Variants in UBE4A observed in about 807,000 individuals in gnomAD.
UBE4A encodes the protein ubiquitination factor E4A.
Under a neutral mutation model 117.9 loss-of-function variants are expected in UBE4A, and 48 were observed. The observed-to-expected ratio is 0.41, with a 90% CI of 0.32 to 0.52. UBE4A has a LOEUF of 0.52. UBE4A is among the 20% of genes least tolerant of loss of function. UBE4A has a pLI of 0.33. For missense variants in UBE4A, 1,067 were observed against 1,296.3 expected, an observed-to-expected ratio of 0.82 and a Z score of 2.72; for synonymous variants, 407 against 450.0, an observed-to-expected ratio of 0.90 and a Z score of 1.21.
At chr11:118,385,832 T>A (rs565991916) in intron 15 of UBE4A, among the ~76,000 whole-genome samples, 1 of 152,334 alleles carries the variant, frequency 6.6e-6, no homozygotes, top group East Asian at 1.9e-4. Context: ...ATAGGTTTTC[T>A]TCAAAAGCGA....
chr11:118,373,793 T>C, intron 8 of UBE4A, 108 bp downstream of exon 8: 1 of 1,315,936 alleles, frequency 7.6e-7, no homozygotes, highest in East Asian at 2.6e-5. Context: ...CAAATTGATC[T>C]AGTTGGCTTT....
chr11:118,390,258 G>A (rs1948799356), intron 17 of UBE4A, among the ~76,000 whole-genome samples: 1 of 151,600 alleles, frequency 6.6e-6, no homozygotes, highest in African/African-American at 2.4e-5. Context: ...TGTGCAAAGA[G>A]AAACTTTACT....
chr11:118,363,728 C>T (rs545932190), intron 1 of UBE4A, among the ~76,000 whole-genome samples: 191 of 151,868 alleles, frequency 1.3e-3, no homozygotes, highest in Admixed American at 2.2e-3. Flanking sequence ...TCTCCTGCCT[C>T]AGCCTCCTGC....
Position 118,365,074 on chromosome 11 carries a change from A to G in UBE4A, c.-7A>G. On this transcript the variant is annotated 5_prime_UTR_variant, in exon 2 of 20. Transcript: ENST00000252108. Reference sequence around the variant, plus strand: ...CTAGGTCTGGATGGAGGATACCTTAAAGTGAAATGACAGACCAGGAGAATA... The same window carrying G: ...CTAGGTCTGGATGGAGGATACCTTAGAGTGAAATGACAGACCAGGAGAATA... 1 of 1,613,770 alleles carries G rather than the reference A, an allele frequency of 6.2e-7. No homozygotes were observed. The highest frequency in any genetic ancestry group is 8.5e-7 in the Non-Finnish European group (1 of 1,179,898).
At position 118,375,173 on chromosome 11, in the gene UBE4A, G is replaced by T; in HGVS notation, c.1394G>T (p.Cys465Phe). ...CTCCTCACCTTTAATCCCACATACTGTGCCCTCAAGGAGTTGAATGATGAA... is the reference window on the plus strand; with the variant it reads ...CTCCTCACCTTTAATCCCACATACTTTGCCCTCAAGGAGTTGAATGATGAA... The part of the protein sequence containing the change: ...SRLLTFNPTY[C>F]ALKELNDEER... Residue 465 changes from cysteine to phenylalanine, a missense_variant, in exon 9 of 20, where the codon TGT (cysteine) becomes TTT (phenylalanine). Transcript: ENST00000252108. The T allele has an allele frequency of 6.2e-7, 1 of 1,613,622 alleles. No homozygotes were observed. Among genetic ancestry groups the T allele is most frequent in the African/African-American group, 1.3e-5 (1 of 74,986 alleles).
At chr11:118,390,841 A>T in intron 18 of UBE4A, 37 bp downstream of exon 18, 1 of 1,602,340 alleles carries the variant, frequency 6.2e-7, no homozygotes, top group Non-Finnish European at 8.5e-7. Flanking sequence ...GATTTCATTA[A>T]GAACCACGTT....
intron 3 of UBE4A, 79 bp downstream of exon 3, chr11:118,368,883 C>T: frequency 6.9e-7 from 1 of 1,456,654 alleles, no homozygotes; most frequent in South Asian, 1.2e-5. Context: ...AAACTGGTTA[C>T]AGCTAATGGT....
chr11:118,393,487 CAG>C (rs1234940951), intron 19 of UBE4A, among the ~76,000 whole-genome samples: 2 of 152,060 alleles, frequency 1.3e-5, no homozygotes, highest in Non-Finnish European at 2.9e-5. Context: ...TTTGTAGAGA[CAG>C]GGTTTCACCA....
At chr11:118,369,336 C>A in intron 3 of UBE4A, 87 bp from the exon 4 acceptor site, 2 of 872,854 alleles carry the variant, frequency 2.3e-6, no homozygotes. Flanking sequence ...GTCAGATTTG[C>A]AGTTCAAGAG....
intron 19 of UBE4A, among the ~76,000 whole-genome samples, chr11:118,395,521 TTA>T (rs1948862658): frequency 6.6e-6 from 1 of 152,226 alleles, no homozygotes; most frequent in Admixed American, 6.5e-5. Context: ...ATAAACCTTC[TTA>T]TGTTTCAAGA....
chr11:118,364,501 T>C (rs1309604612), intron 1 of UBE4A, among the ~76,000 whole-genome samples: 2 of 152,140 alleles, frequency 1.3e-5, no homozygotes, highest in Admixed American at 6.5e-5. Context: ...CTTCCAGTCC[T>C]GATTTGCCAG....
chr11:118,379,203 G>T (rs1452042119), intron 10 of UBE4A, among the ~76,000 whole-genome samples: 1 of 152,170 alleles, frequency 6.6e-6, no homozygotes, highest in Non-Finnish European at 1.5e-5. Flanking sequence ...TTTGGATAGT[G>T]CATTTCAACT....
Position 118,374,940 on chromosome 11 carries a change from C to G in UBE4A, c.1161C>G (p.Asn387Lys), listed in dbSNP as rs781841346. Reference protein sequence around the residue: ...FHEKIYQMLKNLLQLSPETKH... With the variant: ...FHEKIYQMLKKLLQLSPETKH... ...AAAAGATCTACCAGATGCTGAAGAA[C>G]TTACTCCAGCTCTCTCCAGAAACCA... The change falls in exon 9 of 20, where the codon AAC becomes AAG. Residue 387 changes from asparagine to lysine, a missense_variant. Around this residue, in one of 3 missense-constraint regions of UBE4A, gnomAD observed 1,001 missense variants for 1,184.0 expected, o/e 0.85. Transcript: ENST00000252108. 3 of 1,561,576 alleles carry G rather than the reference C, an allele frequency of 1.9e-6. No homozygotes were observed. Among genetic ancestry groups the G allele is most frequent in the East Asian group, 4.5e-5 (2 of 44,372 alleles).
chr11:118,373,408 A>G, intron 7 of UBE4A, 86 bp from the exon 8 acceptor site: 2 of 1,526,260 alleles, frequency 1.3e-6, no homozygotes, highest in Non-Finnish European at 1.8e-6. Context: ...TGGTTGTTGT[A>G]TCAACTTAAC....
intron 18 of UBE4A, 42 bp downstream of exon 18, chr11:118,390,846 C>T (rs1555128294): frequency 6.3e-7 from 1 of 1,598,528 alleles, no homozygotes; most frequent in South Asian, 1.1e-5. Context: ...CATTAAGAAC[C>T]ACGTTGTCAG....
At chr11:118,387,028 G>A (rs1449003093) in intron 16 of UBE4A, among the ~76,000 whole-genome samples, 5 of 152,154 alleles carry the variant, frequency 3.3e-5, no homozygotes, top group Admixed American at 6.5e-5. Flanking sequence ...CACTTGCAAC[G>A]TGTGGCTTTC....
intron 9 of UBE4A, among the ~76,000 whole-genome samples, 187 bp from the exon 10 acceptor site, chr11:118,376,387 A>C (rs920877585): frequency 2.0e-5 from 3 of 152,252 alleles, no homozygotes; most frequent in Non-Finnish European, 4.4e-5. Context: ...TGGTGATTTC[A>C]TGAAAAAGAT....
intron 1 of UBE4A, among the ~76,000 whole-genome samples, chr11:118,361,763 G>A (rs924064432): frequency 2.0e-5 from 3 of 152,204 alleles, no homozygotes; most frequent in African/African-American, 7.2e-5. Context: ...AAGTAGTAAA[G>A]CCCTTACCTT....
At chr11:118,366,390 CA>C (rs1948563167) in intron 2 of UBE4A, among the ~76,000 whole-genome samples, 1 of 152,158 alleles carries the variant, frequency 6.6e-6, no homozygotes, top group African/African-American at 2.4e-5. Flanking sequence ...CTTCTGTCAC[CA>C]TTGGAGGTCA....
Sources: gnomAD v4.1 joint callset for allele counts (sites outside exome capture counted in the v4.1 genomes callset) on GRCh38, gnomAD v4.1.1 for gene constraint, gnomAD v4.1.1 regional missense constraint, MANE v1.5 for transcripts, NCBI Gene and HGNC (gene_info 2026-07-23, HGNC 2026-07-21) for gene names.